The following TOP6BL variants were observed in gnomAD, a reference collection of about 807,000 sequenced individuals.
TOP6BL encodes type 2 DNA topoisomerase 6 subunit B-like.
chr11:66,819,904 TAAAA>T, the TOP6BL span, among the ~76,000 whole-genome samples: 5 of 119,762 alleles, frequency 4.2e-5, no homozygotes, highest in Admixed American at 1.7e-4. Flanking sequence ...ACTCTTGTCT[TAAAA>T]AAAAAAAAAA....
the TOP6BL span, among the ~76,000 whole-genome samples, chr11:66,807,162 AAGAG>A: frequency 5.9e-5 from 9 of 152,342 alleles, no homozygotes; most frequent in Middle Eastern, 3.4e-3. Flanking sequence ...TGTTTTAAAA[AAGAG>A]AGAGAGCTAG....
At chr11:66,843,412 T>G in the TOP6BL span, 826 of 1,401,760 alleles carry the variant, frequency 5.9e-4, 3 homozygotes, top group African/African-American at 7.3e-3. Context: ...CACCCACACC[T>G]CCCTGGGACT....
chr11:66,816,823 C>T, the TOP6BL span, among the ~76,000 whole-genome samples: 1 of 152,092 alleles, frequency 6.6e-6, no homozygotes, highest in African/African-American at 2.4e-5. Flanking sequence ...AGTAATCTTC[C>T]TTCCTCGGCA....
the TOP6BL span, among the ~76,000 whole-genome samples, chr11:66,831,070 A>T: frequency 6.6e-6 from 1 of 152,248 alleles, no homozygotes; most frequent in African/African-American, 2.4e-5. Flanking sequence ...ACAATGAGAT[A>T]ATCATTTCAT....
At chr11:66,799,574 C>T in the TOP6BL span, among the ~76,000 whole-genome samples, 796 of 115,048 alleles carry the variant, frequency 6.9e-3, no homozygotes, top group Middle Eastern at 0.082. Flanking sequence ...TAGCTGGGCA[C>T]AGTGGCGCGT....
At chr11:66,832,402 C>A in the TOP6BL span, among the ~76,000 whole-genome samples, 189 of 152,342 alleles carry the variant, frequency 1.2e-3, no homozygotes, top group African/African-American at 4.3e-3. Flanking sequence ...GCTATGGACA[C>A]TGTTTCTGAG....
At chr11:66,809,886 A>AT in the TOP6BL span, among the ~76,000 whole-genome samples, 1 of 151,944 alleles carries the variant, frequency 6.6e-6, no homozygotes, top group African/African-American at 2.4e-5. Flanking sequence ...TTTTATTTTT[A>AT]TTTTTTGTAG....
At chr11:66,815,936 C>T in the TOP6BL span, 2 of 1,031,944 alleles carry the variant, frequency 1.9e-6, no homozygotes, top group Admixed American at 2.9e-5. Flanking sequence ...AATGGGTGTT[C>T]AGATTTAGAT....
At chr11:66,744,819 G>GGGAGGGGGCGGC in the TOP6BL span, 3 of 1,230,232 alleles carry the variant, frequency 2.4e-6, no homozygotes, top group Non-Finnish European at 1.0e-6. Flanking sequence ...GCTGAGGAGG[G>GGGAGGGGGCGGC]GGCGGCGGCG....
chr11:66,828,214 C>A, the TOP6BL span: 1 of 1,305,258 alleles, frequency 7.7e-7, no homozygotes, highest in East Asian at 2.3e-5. Flanking sequence ...GAACTTTCCC[C>A]CTTGGTTTCC....
the TOP6BL span, among the ~76,000 whole-genome samples, chr11:66,831,980 G>C: frequency 1.8e-5 from 2 of 111,798 alleles, no homozygotes; most frequent in Non-Finnish European, 3.4e-5. Context: ...CTGGGCAACA[G>C]AGTGAGACTC....
At chr11:66,771,169 CT>C in the TOP6BL span, 342 of 138,984 alleles carry the variant, frequency 2.5e-3, no homozygotes, top group South Asian at 4.4e-3. Flanking sequence ...TTCTTTTTTT[CT>C]TTTTTTTTTT....
chr11:66,782,271 A>T, the TOP6BL span, among the ~76,000 whole-genome samples: 1 of 152,204 alleles, frequency 6.6e-6, no homozygotes, highest in Non-Finnish European at 1.5e-5. Flanking sequence ...ATTTCTAGCT[A>T]GGCCTGAAGG....
the TOP6BL span, among the ~76,000 whole-genome samples, chr11:66,770,757 C>T: frequency 6.6e-6 from 1 of 152,092 alleles, no homozygotes; most frequent in Admixed American, 6.6e-5. Context: ...TTTTTAAACT[C>T]CATCTTCCCC....
chr11:66,788,270 G>A, the TOP6BL span: 1 of 1,600,782 alleles, frequency 6.2e-7, no homozygotes, highest in Non-Finnish European at 8.6e-7. Context: ...GATTTTTGAG[G>A]CAGGTTTTGT....
At chr11:66,822,496 C>T in the TOP6BL span, 2 of 995,840 alleles carry the variant, frequency 2.0e-6, no homozygotes, top group Non-Finnish European at 3.1e-6. Flanking sequence ...ATGTGTGGGC[C>T]CTCTGGGATT....
chr11:66,837,664 C>T, the TOP6BL span, among the ~76,000 whole-genome samples: 2 of 147,398 alleles, frequency 1.4e-5, no homozygotes, highest in South Asian at 2.2e-4. Flanking sequence ...AGGCTAGTCT[C>T]GAACTCCTTA....
chr11:66,823,204 G>A, the TOP6BL span, among the ~76,000 whole-genome samples: 1 of 146,868 alleles, frequency 6.8e-6, no homozygotes, highest in Non-Finnish European at 1.5e-5. Flanking sequence ...TGAGGCAGGA[G>A]AATTGCTGGA....
the TOP6BL span, among the ~76,000 whole-genome samples, chr11:66,789,977 T>C: frequency 6.6e-6 from 1 of 152,160 alleles, no homozygotes; most frequent in Admixed American, 6.6e-5. Flanking sequence ...TCTTAAGATA[T>C]GTTACTTGAT....
Sources: gnomAD v4.1 joint callset for allele counts (sites outside exome capture counted in the v4.1 genomes callset) on GRCh38, gnomAD v4.1.1 for gene constraint, MANE v1.5 for transcripts, NCBI Gene and HGNC (gene_info 2026-07-23, HGNC 2026-07-21) for gene names.